The following C8orf34 variants were observed in gnomAD, a reference collection of about 807,000 sequenced individuals.
The protein encoded by C8orf34 is uncharacterized protein C8orf34.
Under a neutral mutation model 68.3 loss-of-function variants are expected in C8orf34, and 65 were observed. The observed-to-expected ratio is 0.95, with a 90% CI of 0.78 to 1.17. C8orf34 has a LOEUF of 1.17. Ranked by LOEUF, C8orf34 falls within the 50% of genes most tolerant of loss-of-function variation. The probability of loss-of-function intolerance (pLI) is 0.00; values close to 1 mark genes in which losing one functional copy is unlikely to be tolerated. For synonymous variants in C8orf34, 244 were observed against 241.2 expected (o/e 1.01, Z -0.11); for missense variants, 664 against 655.4 (o/e 1.01, Z -0.14).
intron 11 of C8orf34, among the ~76,000 whole-genome samples, chr8:68,783,448 G>A: frequency 6.9e-6 from 1 of 145,784 alleles, no homozygotes; most frequent in South Asian, 2.2e-4. Context: ...AACCTGGGAG[G>A]CGGAGGTTGC....
At chr8:68,709,520 T>C (rs1821272488) in intron 9 of C8orf34, among the ~76,000 whole-genome samples, 1 of 152,152 alleles carries the variant, frequency 6.6e-6, no homozygotes, top group African/African-American at 2.4e-5. Context: ...AATATCATAC[T>C]TGACAATATC....
intron 7 of C8orf34, among the ~76,000 whole-genome samples, chr8:68,545,451 C>T (rs1815844127): frequency 6.6e-6 from 1 of 151,924 alleles, no homozygotes; most frequent in Non-Finnish European, 1.5e-5. Flanking sequence ...TATAGTCAAA[C>T]TGCTAAAATT....
intron 1 of C8orf34, among the ~76,000 whole-genome samples, chr8:68,377,520 A>G (rs1444267246): frequency 6.6e-6 from 1 of 152,196 alleles, no homozygotes; most frequent in Non-Finnish European, 1.5e-5. Context: ...TGGAGGTTTC[A>G]GTTATAATCT....
At chr8:68,449,813 G>T (rs967800166) in intron 3 of C8orf34, among the ~76,000 whole-genome samples, 4 of 152,074 alleles carry the variant, frequency 2.6e-5, no homozygotes, top group Non-Finnish European at 5.9e-5. Context: ...GGCTACTGAA[G>T]GTTGAGGTAT....
intron 8 of C8orf34, among the ~76,000 whole-genome samples, chr8:68,684,867 CA>C (rs1223756382): frequency 1.3e-5 from 2 of 151,620 alleles, no homozygotes; most frequent in Non-Finnish European, 2.9e-5. Context: ...GGCTGGAGTG[CA>C]AAAAACTTTT....
intron 3 of C8orf34, among the ~76,000 whole-genome samples, chr8:68,456,809 G>A (rs1586175370): frequency 6.6e-6 from 1 of 152,092 alleles, no homozygotes; most frequent in East Asian, 1.9e-4. Context: ...CTGCAAGGTA[G>A]CGTTATAGTA....
chr8:68,604,174 T>C (rs371650265), intron 7 of C8orf34, among the ~76,000 whole-genome samples: 221 of 151,900 alleles, frequency 1.5e-3, no homozygotes, highest in African/African-American at 5.2e-3. Flanking sequence ...ATAGAAGAAG[T>C]AAAGATAGAG....
intron 7 of C8orf34, among the ~76,000 whole-genome samples, chr8:68,603,718 A>T (rs1052556457): frequency 1.3e-5 from 2 of 152,064 alleles, no homozygotes; most frequent in Admixed American, 1.3e-4. Flanking sequence ...GGACGAAAAA[A>T]ACCACAGTGG....
intron 1 of C8orf34, among the ~76,000 whole-genome samples, chr8:68,424,598 A>T (rs915110283): frequency 1.7e-4 from 26 of 152,168 alleles, no homozygotes; most frequent in African/African-American, 5.1e-4. Context: ...AATACAAAAT[A>T]GAAAATCTTA....
intron 1 of C8orf34, among the ~76,000 whole-genome samples, chr8:68,402,170 T>C (rs1808987460): frequency 6.6e-6 from 1 of 152,108 alleles, no homozygotes; most frequent in African/African-American, 2.4e-5. Flanking sequence ...TTCTTTCCTG[T>C]GGGTTCTCTA....
intron 10 of C8orf34, among the ~76,000 whole-genome samples, chr8:68,750,029 C>G (rs1822655598): frequency 6.6e-6 from 1 of 152,040 alleles, no homozygotes; most frequent in Admixed American, 6.6e-5. Flanking sequence ...TTATATTTAA[C>G]TTAACATTTC....
At chr8:68,612,915 CCCATGCTTAGAAAAACGTAATTT>C (rs1818065215) in intron 7 of C8orf34, among the ~76,000 whole-genome samples, 1 of 152,002 alleles carries the variant, frequency 6.6e-6, no homozygotes, top group Non-Finnish European at 1.5e-5. Flanking sequence ...GGTTAAAATT[CCCATGCTTAGAAAAACGTAATTT>C]CTAGTTATCT....
At position 68,439,579 on chromosome 8, in the gene C8orf34, G is replaced by C. The variant is rs1231322530; in HGVS notation, c.408G>C (p.Gly136=). The change falls in exon 2 of 14, where the codon GGG becomes GGC. Residue 136 remains glycine (G), a synonymous_variant. Coordinates refer to ENST00000518698, the MANE Select transcript of C8orf34 (RefSeq NM_052958.4). The part of the protein sequence containing the change: ...FLIDHLQSKQ[G]NRGQLQRTLS... ...TTGACCATCTTCAGTCTAAACAAGG[G>C]AACCGTGGACAACTTCAAAGAACTT... is the stretch of plus-strand genomic sequence containing the variant. 6 of 1,613,618 alleles carry C rather than the reference G, an allele frequency of 3.7e-6. No homozygotes were observed. The highest frequency in any genetic ancestry group is 5.1e-6 in the Non-Finnish European group (6 of 1,179,730).
At chr8:68,502,955 G>A (rs79461892) in intron 5 of C8orf34, among the ~76,000 whole-genome samples, 96 of 152,258 alleles carry the variant, frequency 6.3e-4, no homozygotes, top group African/African-American at 2.2e-3. Context: ...GCAGAGGAAC[G>A]TTTCAAACCA....
rs1420901014 is a variant in C8orf34, at chr8:68,521,887, C to T, written c.854C>T (p.Ala285Val). The T allele has an allele frequency of 1.2e-6, 2 of 1,613,954 alleles. No individual in the cohort carries two copies. The highest frequency in any genetic ancestry group is 2.7e-5 in the African/African-American group (2 of 74,888). The change falls in exon 6 of 14, where the codon GCT (alanine) becomes GTT (valine). Residue 285 changes from alanine (A) to valine (V), a missense_variant. Coordinates refer to ENST00000518698, the MANE Select transcript of C8orf34 (RefSeq NM_052958.4). ...GREENDADPL[A>V]AEMLQPPIPR... ...GAAGAAAATGATGCTGATCCCCTAG[C>T]TGCTGAAATGCTACAGCCTCCAATT... is the stretch of plus-strand genomic sequence containing the variant.
Position 68,505,738 on chromosome 8 carries a change from C to CAAAAAAAAAA in C8orf34, c.766-16051_766-16042dup, listed in dbSNP as rs778441254. Among the ~76,000 whole-genome samples, 50 of 68,344 alleles carry CAAAAAAAAAA rather than the reference C, an allele frequency of 7.3e-4. 2 individuals are homozygous for CAAAAAAAAAA. Among genetic ancestry groups the CAAAAAAAAAA allele is most frequent in the African/African-American group, 2.2e-3 (49 of 22,034 alleles). The allele number at this position is 68,344 out of a possible 152,430, so 44.8% of individuals were successfully genotyped here. Reference sequence around the variant, plus strand: ...GGGCGACAGAGCGAGACTCCGTCTCCAAAAAAAAAAAAAAAAAAAGAATGA... The same window carrying CAAAAAAAAAA: ...GGGCGACAGAGCGAGACTCCGTCTCCAAAAAAAAAAAAAAAAAAAAAAAAAAAAAGAATGA... On this transcript the variant is annotated intron_variant, in intron 5 of 13. Coordinates refer to ENST00000518698, the MANE Select transcript of C8orf34 (RefSeq NM_052958.4).
At chr8:68,681,624 TA>T (rs1448836302) in intron 8 of C8orf34, among the ~76,000 whole-genome samples, 4 of 152,050 alleles carry the variant, frequency 2.6e-5, no homozygotes, top group African/African-American at 9.7e-5. Flanking sequence ...AAACTAAAAA[TA>T]AAACTACCAA....
At chr8:68,600,152 G>A (rs1481019981) in intron 7 of C8orf34, among the ~76,000 whole-genome samples, 7 of 151,946 alleles carry the variant, frequency 4.6e-5, no homozygotes, top group Non-Finnish European at 8.8e-5. Context: ...ACTTCTCAGC[G>A]GTTGCTCTAG....
chr8:68,813,821 C>T (rs1234090783), intron 12 of C8orf34, among the ~76,000 whole-genome samples: 7 of 152,118 alleles, frequency 4.6e-5, no homozygotes, highest in South Asian at 4.1e-4. Flanking sequence ...TCCTCTCTAC[C>T]GCAACTATTT....
Sources: allele counts gnomAD v4.1 joint callset (sites outside exome capture counted in the v4.1 genomes callset), GRCh38; gene constraint gnomAD v4.1.1; transcripts MANE v1.5; gene names NCBI Gene and HGNC (gene_info 2026-07-23, HGNC 2026-07-21).